The following NEK11 variants were observed in gnomAD, a reference collection of about 807,000 sequenced individuals.
NEK11 encodes the protein serine/threonine-protein kinase Nek11.
NEK11 carries 72 observed loss-of-function variants against 80.7 expected under a neutral mutation model. That is an observed-to-expected ratio of 0.89 (90% CI 0.74 to 1.08). The LOEUF is 1.08. Among genes scored for constraint, NEK11 ranks in the 50% least tolerant of loss-of-function variants. The probability of loss-of-function intolerance (pLI) is 0.00; values close to 1 mark genes in which losing one functional copy is unlikely to be tolerated. For synonymous variants in NEK11, 251 were observed against 260.7 expected (o/e 0.96, Z 0.36); for missense variants, 764 against 763.6 (o/e 1.00, Z -0.01).
intron 14 of NEK11, among the ~76,000 whole-genome samples, chr3:131,186,026 A>T (rs2093586554): frequency 6.6e-6 from 1 of 152,214 alleles, no homozygotes; most frequent in Admixed American, 6.5e-5. Flanking sequence ...ATAAGATGAT[A>T]CACAAAGCTG....
At chr3:131,134,959 G>C (rs1183704526) in intron 7 of NEK11, among the ~76,000 whole-genome samples, 2 of 152,068 alleles carry the variant, frequency 1.3e-5, no homozygotes, top group Non-Finnish European at 2.9e-5. Flanking sequence ...ATCTAGCTGA[G>C]GGCTTGTTAA....
chr3:131,228,546 T>C lies in NEK11; in HGVS notation c.1418T>C (p.Leu473Pro). The change falls in exon 15 of 18, where the codon CTT (leucine) becomes CCT (proline). Residue 473 changes from leucine (L) to proline (P), a missense_variant. Physicochemically the swap from Leu to Pro is moderately conservative, Grantham distance 98 (BLOSUM62 -3). Coordinates refer to ENST00000383366, the MANE Select transcript of NEK11 (RefSeq NM_024800.5). The stretch of plus-strand genomic sequence containing the variant: ...ATTTCAGAGATCCCAGAAGACCCAC[T>C]TGTGGCTGAAGAGTACTACGCTGAT... ...LGYHEIPEDP[L>P]VAEEYYADAF... 1.2e-6 allele frequency: 2 copies of C among 1,609,482 alleles called. No individual in the cohort carries two copies. Among genetic ancestry groups the C allele is most frequent in the Non-Finnish European group, 1.7e-6 (2 of 1,177,906 alleles).
Position 131,162,537 on chromosome 3 carries a change from T to G in NEK11, c.1082+10T>G. 2 of 1,613,756 alleles carry G rather than the reference T, an allele frequency of 1.2e-6. No homozygotes were observed. Among genetic ancestry groups the G allele is most frequent in the South Asian group, 1.1e-5 (1 of 91,048 alleles). Reference sequence around the variant, plus strand: ...AAGCCAGGAAGCTGAAGTAAGCTGCTTTTCCTTTAGGCACTCATGCTCGGG... The same window carrying G: ...AAGCCAGGAAGCTGAAGTAAGCTGCGTTTCCTTTAGGCACTCATGCTCGGG... On this transcript the variant is annotated intron_variant, in intron 11 of 17. Transcript: ENST00000383366.
chr3:131,179,843 A>G lies in NEK11; in HGVS notation c.1399+8956A>G, dbSNP rs148326453. 7.4e-4 allele frequency among the ~76,000 whole-genome samples: 112 copies of G among 152,246 alleles called. 1 individual carries two copies. Among genetic ancestry groups the G allele is most frequent in the African/African-American group, 2.5e-3 (103 of 41,552 alleles). ...TTTATTAATGATATATAATATAATGATTCATTTCAAAATTGATGGTGTCTT... is the reference window on the plus strand; with the variant it reads ...TTTATTAATGATATATAATATAATGGTTCATTTCAAAATTGATGGTGTCTT... On this transcript the variant is annotated intron_variant, in intron 14 of 17. Coordinates refer to ENST00000383366, the MANE Select transcript of NEK11 (RefSeq NM_024800.5).
chr3:131,057,822 C>T (rs1331350211), intron 3 of NEK11, among the ~76,000 whole-genome samples: 1 of 151,974 alleles, frequency 6.6e-6, no homozygotes. Context: ...CAAAAATTTT[C>T]TCCCATTTTG....
intron 3 of NEK11, among the ~76,000 whole-genome samples, chr3:131,069,332 C>T (rs1447018844): frequency 2.0e-5 from 3 of 152,122 alleles, no homozygotes; most frequent in Non-Finnish European, 4.4e-5. Flanking sequence ...TCACTGAAAT[C>T]TGCAATTCTT....
chr3:131,133,998 A>G lies in NEK11; in HGVS notation c.647+42A>G, dbSNP rs989292592. On this transcript the variant is annotated intron_variant, in intron 7 of 17. Transcript: ENST00000383366. ...GCTAGACTCTTCATCTGCTTCCCTA[A>G]AAGAATGGTACATTTTGTCTTTCAG... 5 of 1,526,046 alleles carry G rather than the reference A, an allele frequency of 3.3e-6. No homozygotes were observed. In the African/African-American group the frequency reaches 5.5e-5, roughly 17 times the overall value. 94.5% of individuals were successfully genotyped at this position (1,526,046 alleles called of 1,614,324 possible).
chr3:131,169,856 C>T lies in NEK11; in HGVS notation c.1285-917C>T, dbSNP rs571696680. Among the ~76,000 whole-genome samples the T allele has an allele frequency of 2.8e-4, 42 of 152,308 alleles. 1 individual carries two copies. The highest frequency in any genetic ancestry group is 5.0e-4 in the Non-Finnish European group (34 of 68,022). Reference sequence around the variant, plus strand: ...ATAATTTCTGAAGTGCACGTAAAGACGTATTTCATGTACTCTCTGTTCTTT... The same window carrying T: ...ATAATTTCTGAAGTGCACGTAAAGATGTATTTCATGTACTCTCTGTTCTTT... On this transcript the variant is annotated intron_variant, in intron 13 of 17. Coordinates refer to ENST00000383366, the MANE Select transcript of NEK11 (RefSeq NM_024800.5).
At chr3:131,320,226 A>C (rs560282465) in intron 17 of NEK11, among the ~76,000 whole-genome samples, 2 of 152,160 alleles carry the variant, frequency 1.3e-5, no homozygotes, top group Non-Finnish European at 2.9e-5. Context: ...TTCTAGTCAG[A>C]TCATCAGTAA....
intron 16 of NEK11, among the ~76,000 whole-genome samples, chr3:131,272,120 A>G (rs1266766849): frequency 1.3e-5 from 2 of 152,142 alleles, no homozygotes; most frequent in East Asian, 3.9e-4. Flanking sequence ...AAGAAGAAAA[A>G]GTTTTACTAA....
chr3:131,141,718 T>C (rs1364714832), intron 7 of NEK11, among the ~76,000 whole-genome samples: 2 of 152,140 alleles, frequency 1.3e-5, no homozygotes, highest in African/African-American at 2.4e-5. Flanking sequence ...ACTGAAAGAC[T>C]CTGAGAAATG....
intron 10 of NEK11, among the ~76,000 whole-genome samples, chr3:131,158,640 C>T (rs2149889921): frequency 6.6e-6 from 1 of 152,316 alleles, no homozygotes; most frequent in South Asian, 2.1e-4. Context: ...ACACCACCAC[C>T]AGCAGGACCA....
intron 11 of NEK11, among the ~76,000 whole-genome samples, chr3:131,162,885 C>T (rs924022481): frequency 6.6e-6 from 1 of 152,174 alleles, no homozygotes. Context: ...GTGCTTGCTG[C>T]GTACCTTCTA....
intron 14 of NEK11, among the ~76,000 whole-genome samples, chr3:131,185,542 C>T (rs2093564325): frequency 6.6e-6 from 1 of 152,132 alleles, no homozygotes; most frequent in Non-Finnish European, 1.5e-5. Flanking sequence ...CCCACCAACT[C>T]AAATGCTCAA....
At chr3:131,027,569 G>A (rs894226060) in intron 1 of NEK11, 8 of 151,460 alleles carry the variant, frequency 5.3e-5, no homozygotes, top group Non-Finnish European at 1.0e-4. Context: ...GTATGCCAGG[G>A]ATTGGGGATG....
chr3:131,047,965 G>GT lies in NEK11; in HGVS notation c.170+18088dup, dbSNP rs111458499. ...TGGGGCTTGCTGTGGCTGCTGTGGGGTATGTGGGTGTGGTTCTCAGGCCAG... is the reference window on the plus strand; with the variant it reads ...TGGGGCTTGCTGTGGCTGCTGTGGGGTTATGTGGGTGTGGTTCTCAGGCCAG... On this transcript the variant is annotated intron_variant, in intron 3 of 17. Coordinates refer to ENST00000383366, the MANE Select transcript of NEK11 (RefSeq NM_024800.5). Among the ~76,000 whole-genome samples, 777 of 152,224 alleles carry GT rather than the reference G, an allele frequency of 5.1e-3. 7 individuals carry two copies. Among genetic ancestry groups the GT allele is most frequent in the African/African-American group, 0.017 (706 of 41,526 alleles).
chr3:131,303,149 C>A (rs2096680723), intron 17 of NEK11, among the ~76,000 whole-genome samples: 2 of 152,156 alleles, frequency 1.3e-5, no homozygotes, highest in South Asian at 2.1e-4. Context: ...TAGAATAGTG[C>A]CCCTGCTTTT....
At chr3:131,056,144 G>C (rs1041637610) in intron 3 of NEK11, among the ~76,000 whole-genome samples, 2 of 152,160 alleles carry the variant, frequency 1.3e-5, no homozygotes, top group African/African-American at 4.8e-5. Flanking sequence ...GATCAGTGAA[G>C]ACTTTCACTT....
chr3:131,309,695 G>A (rs912700660), intron 17 of NEK11, among the ~76,000 whole-genome samples: 6 of 151,876 alleles, frequency 4.0e-5, no homozygotes, highest in Non-Finnish European at 2.9e-5. Flanking sequence ...CAGACAGCCT[G>A]AAGAATTCTA....
Sources: allele counts gnomAD v4.1 joint callset (sites outside exome capture counted in the v4.1 genomes callset), GRCh38; gene constraint gnomAD v4.1.1; transcripts MANE v1.5; gene names NCBI Gene and HGNC (gene_info 2026-07-23, HGNC 2026-07-21).